The following VSTM4 variants were observed in gnomAD, a reference collection of about 807,000 sequenced individuals.
VSTM4 encodes V-set and transmembrane domain-containing protein 4.
In VSTM4, 20 loss-of-function variants were observed where a neutral mutation model predicts 36.4. That is an observed-to-expected ratio of 0.55 (90% confidence interval 0.39 to 0.80). The LOEUF (loss-of-function observed/expected upper bound fraction) is 0.80, where lower values mean the gene tolerates loss of function less well. VSTM4 is among the 30% of genes least tolerant of loss of function. The pLI, the probability that VSTM4 is intolerant of heterozygous loss-of-function variation, is 0.00. For synonymous variants in VSTM4, 182 were observed against 173.9 expected, an observed-to-expected ratio of 1.05 and a Z score of -0.37; for missense variants, 392 against 404.5, an observed-to-expected ratio of 0.97 and a Z score of 0.26.
chr10:49,078,817 A>G (rs1844226245), intron 3 of VSTM4, among the ~76,000 whole-genome samples: 1 of 152,152 alleles, frequency 6.6e-6, no homozygotes, highest in African/African-American at 2.4e-5. Context: ...AACTGGTACA[A>G]GGGATCTCTG....
chr10:49,052,967 G>T (rs1367270847), intron 5 of VSTM4, among the ~76,000 whole-genome samples: 2 of 152,192 alleles, frequency 1.3e-5, no homozygotes, highest in Non-Finnish European at 2.9e-5. Flanking sequence ...CACTCTCTCA[G>T]AATCTTGTTT....
rs1419515821 is a variant in VSTM4, at chr10:49,016,715, T to G, written c.*2935A>C. On this transcript the variant is annotated 3_prime_UTR_variant, in exon 8 of 8. Coordinates refer to ENST00000332853, the MANE Select transcript of VSTM4 (RefSeq NM_001031746.5). ...AGGTGGGAGGCCTGGCTTTTCCTTATTTTCCCTGTGAGCTAACAGAGTGGC... is the reference window on the plus strand; with the variant it reads ...AGGTGGGAGGCCTGGCTTTTCCTTAGTTTCCCTGTGAGCTAACAGAGTGGC... 1 of 152,252 alleles carries G rather than the reference T, an allele frequency of 6.6e-6. No homozygotes were observed. The highest frequency in any genetic ancestry group is 2.4e-5 in the African/African-American group (1 of 41,464). 9.4% of individuals were successfully genotyped at this position (152,252 alleles called of 1,614,324 possible). A position where few individuals can be genotyped will look rare whatever the true frequency, so the allele number is the denominator to read the frequency against.
At chr10:49,105,198 G>GGAGAGAGAGAGAGAGAGAGAGAGA (rs1844752267) in intron 2 of VSTM4, among the ~76,000 whole-genome samples, 1 of 73,582 alleles carries the variant, frequency 1.4e-5, no homozygotes, top group African/African-American at 5.5e-5. Context: ...AGAGAGAGAG[G>GGAGAGAGAGAGAGAGAGAGAGAGA]GAGAGACAGA....
At chr10:49,107,525 G>A (rs1189256385) in intron 2 of VSTM4, 69 bp downstream of exon 2, 8 of 1,524,710 alleles carry the variant, frequency 5.2e-6, no homozygotes, top group Non-Finnish European at 6.2e-6. Context: ...CCCCTGGGTG[G>A]TGGCTGCAAA....
At chr10:49,094,035 C>T (rs190238491) in intron 2 of VSTM4, among the ~76,000 whole-genome samples, 1 of 152,300 alleles carries the variant, frequency 6.6e-6, no homozygotes, top group African/African-American at 2.4e-5. Context: ...GCGTTAGCCA[C>T]GGTGCCCGGC....
intron 3 of VSTM4, among the ~76,000 whole-genome samples, chr10:49,079,713 C>G (rs1490853381): frequency 6.6e-6 from 1 of 152,030 alleles, no homozygotes; most frequent in Non-Finnish European, 1.5e-5. Context: ...TCAGAGACAC[C>G]CAGCCCAGCC....
At chr10:49,030,520 C>T (rs889821135) in intron 7 of VSTM4, among the ~76,000 whole-genome samples, 2 of 152,224 alleles carry the variant, frequency 1.3e-5, no homozygotes, top group Admixed American at 6.5e-5. Context: ...GAGCCAGTCA[C>T]CCAGCATGCT....
intron 7 of VSTM4, among the ~76,000 whole-genome samples, chr10:49,020,694 G>A (rs533432198): frequency 8.1e-6 from 1 of 123,926 alleles, no homozygotes; most frequent in African/African-American, 2.9e-5. Flanking sequence ...AAGAAGGAAG[G>A]AAAGAAGGAG....
At chr10:49,096,622 CGTGTGTGTGTGTGT>C (rs57143308) in intron 2 of VSTM4, among the ~76,000 whole-genome samples, 30 of 122,574 alleles carry the variant, frequency 2.4e-4, no homozygotes, top group Admixed American at 4.8e-4. Flanking sequence ...CATTGAAGAC[CGTGTGTGTGTGTGT>C]GTGTGTGTGT....
At chr10:49,086,630 C>T (rs77201212) in intron 2 of VSTM4, among the ~76,000 whole-genome samples, 10,005 of 152,172 alleles carry the variant, frequency 0.066, 1,003 homozygotes, top group African/African-American at 0.22. Flanking sequence ...TCTGGGCCCA[C>T]GGAAAGTTTC....
intron 4 of VSTM4, among the ~76,000 whole-genome samples, chr10:49,069,492 G>A (rs553984734): frequency 6.6e-6 from 1 of 152,198 alleles, no homozygotes; most frequent in Non-Finnish European, 1.5e-5. Context: ...CACAGGCTGG[G>A]AGCCCTGCAG....
chr10:49,072,987 C>T (rs1478924193), intron 4 of VSTM4, among the ~76,000 whole-genome samples: 2 of 152,190 alleles, frequency 1.3e-5, no homozygotes. Flanking sequence ...TTTGGGATTA[C>T]CCGTGTGTGT....
chr10:49,027,109 C>T (rs1220195800), intron 7 of VSTM4, among the ~76,000 whole-genome samples: 5 of 152,164 alleles, frequency 3.3e-5, no homozygotes, highest in Non-Finnish European at 7.4e-5. Flanking sequence ...CTCTCCTGCA[C>T]TCACTGCACC....
chr10:49,037,248 G>A (rs913188687), intron 7 of VSTM4, among the ~76,000 whole-genome samples: 7 of 152,184 alleles, frequency 4.6e-5, no homozygotes, highest in Non-Finnish European at 1.0e-4. Flanking sequence ...TCCTGATAGC[G>A]TCGACCCCAC....
chr10:49,102,218 G>T, intron 2 of VSTM4: 1 of 169,622 alleles, frequency 5.9e-6, no homozygotes, highest in Non-Finnish European at 1.1e-5. Flanking sequence ...GCTCACTGCA[G>T]CCTTTGCCTC....
chr10:49,081,774 G>C (rs1023229521), intron 3 of VSTM4, among the ~76,000 whole-genome samples: 3 of 152,216 alleles, frequency 2.0e-5, no homozygotes, highest in Admixed American at 1.3e-4. Flanking sequence ...CTGCCTGCGT[G>C]TGGCTCCCCA....
chr10:49,103,210 A>C (rs970665469), intron 2 of VSTM4: 1 of 152,418 alleles, frequency 6.6e-6, no homozygotes, highest in Non-Finnish European at 1.5e-5. Context: ...AACAATAAGC[A>C]GGAAGCTAAA....
chr10:49,067,380 T>G (rs1278262343), intron 4 of VSTM4, among the ~76,000 whole-genome samples: 1 of 152,222 alleles, frequency 6.6e-6, no homozygotes, highest in East Asian at 1.9e-4. Context: ...GTCACTCAGG[T>G]GATGTTACGG....
At chr10:49,026,714 G>A (rs1268830611) in intron 7 of VSTM4, among the ~76,000 whole-genome samples, 1 of 152,122 alleles carries the variant, frequency 6.6e-6, no homozygotes. Context: ...GTGTTGACAG[G>A]GGCAGGGCTG....
Sources: allele counts gnomAD v4.1 joint callset (sites outside exome capture counted in the v4.1 genomes callset), GRCh38; gene constraint gnomAD v4.1.1; transcripts MANE v1.5; gene names NCBI Gene and HGNC (gene_info 2026-07-23, HGNC 2026-07-21).